COL17A1: variants seen among roughly 807,000 people sequenced by gnomAD.
COL17A1 encodes collagen alpha-1(XVII) chain.
Under a neutral mutation model 218.4 loss-of-function variants are expected in COL17A1, and 181 were observed. That is an observed-to-expected ratio of 0.83 (90% CI 0.73 to 0.94). The LOEUF (loss-of-function observed/expected upper bound fraction) is 0.94, where lower values mean the gene tolerates loss of function less well. Ranked by LOEUF, COL17A1 falls within the 40% of genes least tolerant of loss-of-function variation. COL17A1 has a pLI of 0.00. For synonymous variants in COL17A1, 721 were observed against 731.0 expected (o/e 0.99, Z 0.22); for missense variants, 1,924 against 1,945.9 (o/e 0.99, Z 0.21).
intron 6 of COL17A1, 179 bp downstream of exon 6, chr10:104,074,005 A>G: frequency 1.2e-6 from 1 of 858,838 alleles, no homozygotes; most frequent in Non-Finnish European, 1.9e-6. Flanking sequence ...TGTGGCTGAT[A>G]GTCCCCTTAA....
chr10:104,082,868 C>T (rs2086776808), intron 1 of COL17A1, among the ~76,000 whole-genome samples: 1 of 152,212 alleles, frequency 6.6e-6, no homozygotes, highest in African/African-American at 2.4e-5. Flanking sequence ...AAGGATTCCC[C>T]AACTTCCAGA....
chr10:104,043,941 T>C, intron 33 of COL17A1, 81 bp from the exon 34 acceptor site: 3 of 1,510,634 alleles, frequency 2.0e-6, no homozygotes, highest in Non-Finnish European at 1.8e-6. Context: ...AGGCTTCTGA[T>C]TGCATTTGGG....
intron 17 of COL17A1, 24 bp downstream of exon 17, chr10:104,056,950 CT>C (rs2086534430): frequency 1.3e-6 from 2 of 1,554,998 alleles, no homozygotes; most frequent in Non-Finnish European, 1.7e-6. Context: ...ACCACACAGG[CT>C]GCCCTGCTGC....
rs551032998 is a variant in COL17A1 at position 104,074,676 on chromosome 10, C to T, written c.332-445G>A. 1.1e-4 allele frequency among the ~76,000 whole-genome samples: 17 copies of T among 152,294 alleles called. No homozygotes were observed. In the South Asian group the frequency reaches 3.5e-3, roughly 32 times the overall value. ...GAAGGTACAAATCCCTGGTCAGGCC[C>T]GACCTCAGAAAGCACTGTGATGATG... On this transcript the variant is annotated intron_variant, in intron 5 of 55. Coordinates refer to ENST00000648076, the MANE Select transcript of COL17A1 (RefSeq NM_000494.4).
intron 32 of COL17A1, 95 bp from the exon 33 acceptor site, chr10:104,045,888 A>G: frequency 1.0e-6 from 1 of 990,626 alleles, no homozygotes; most frequent in South Asian, 1.3e-5. Context: ...CAGCACAGCC[A>G]CACTGCTGAC....
At chr10:104,060,325 A>T (rs1222373109) in intron 13 of COL17A1, 45 bp from the exon 14 acceptor site, 1 of 1,610,886 alleles carries the variant, frequency 6.2e-7, no homozygotes, top group Non-Finnish European at 8.5e-7. Flanking sequence ...ATGTGCCAGG[A>T]GAAGGGAGAG....
At chr10:104,074,293 G>A (rs1044491776) in intron 5 of COL17A1, 62 bp from the exon 6 acceptor site, 22 of 1,611,724 alleles carry the variant, frequency 1.4e-5, no homozygotes, top group South Asian at 3.3e-5. Context: ...CTTCCAAAAC[G>A]GGAGGTAGTG....
intron 45 of COL17A1, 98 bp from the exon 46 acceptor site, chr10:104,037,871 C>A (rs1277522214): frequency 1.4e-6 from 2 of 1,470,728 alleles, no homozygotes; most frequent in African/African-American, 2.8e-5. Flanking sequence ...GCCTGCCCCG[C>A]CCCACACATG....
intron 9 of COL17A1, among the ~76,000 whole-genome samples, chr10:104,067,475 A>C (rs565712368): frequency 2.0e-5 from 3 of 152,336 alleles, no homozygotes; most frequent in African/African-American, 4.8e-5. Flanking sequence ...TGGAATAAAA[A>C]GCCAATTAAG....
Position 104,032,173 on chromosome 10 carries a change from T to C in COL17A1, c.*62A>G. 1.5e-6 allele frequency: 2 copies of C among 1,379,166 alleles called. No individual in the cohort carries two copies. Among genetic ancestry groups the C allele is most frequent in the Non-Finnish European group, 2.1e-6 (2 of 966,932 alleles). The allele number at this position is 1,379,166 out of a possible 1,614,324, so 85.4% of individuals were successfully genotyped here. ...CTCCAGCTTTCACCCTCTGGAGACC[T>C]TGGACCTAAGTGCCACATGCATTAT... On this transcript the variant is annotated 3_prime_UTR_variant, in exon 56 of 56. Coordinates refer to ENST00000648076, the MANE Select transcript of COL17A1 (RefSeq NM_000494.4).
chr10:104,033,958 T>C lies in COL17A1; in HGVS notation c.4143A>G (p.Ser1381=). ...GTCCCCACTTACGCTGCATGCTCTC[T>C]GACACCCTCACAGCCAGCTCATTGT... is the stretch of plus-strand genomic sequence containing the variant. ...LDYNELAVRV[S]ESMQRQGLLQ... is the part of the protein sequence containing the mutation. The change falls in exon 52 of 56, where the codon TCA becomes TCG. Residue 1381 remains serine, a synonymous_variant. Transcript: ENST00000648076. 6.2e-7 allele frequency: 1 copy of C among 1,614,176 alleles called. No homozygotes were observed. The highest frequency in any genetic ancestry group is 8.5e-7 in the Non-Finnish European group (1 of 1,180,024).
At chr10:104,044,659 G>T (rs1392856961) in intron 33 of COL17A1, among the ~76,000 whole-genome samples, 1 of 152,182 alleles carries the variant, frequency 6.6e-6, no homozygotes, top group African/African-American at 2.4e-5. Context: ...GACGGGAGAA[G>T]CACTTGAGTT....
chr10:104,076,605 T>C (rs1263257078), intron 4 of COL17A1, among the ~76,000 whole-genome samples, 176 bp from the exon 5 acceptor site: 2 of 152,198 alleles, frequency 1.3e-5, no homozygotes, highest in African/African-American at 4.8e-5. Flanking sequence ...GGTGGAATTA[T>C]TGCCTGGGAA....
chr10:104,067,892 G>A (rs1471374063), intron 9 of COL17A1, among the ~76,000 whole-genome samples: 1 of 152,000 alleles, frequency 6.6e-6, no homozygotes, highest in African/African-American at 2.4e-5. Flanking sequence ...GACGGGAAAA[G>A]ACAGAGATCA....
chr10:104,042,406 A>T lies in COL17A1; in HGVS notation c.2551+14T>A. 1 of 1,614,152 alleles carries T rather than the reference A, an allele frequency of 6.2e-7. No homozygotes were observed. Among genetic ancestry groups the T allele is most frequent in the South Asian group, 1.1e-5 (1 of 91,080 alleles). On this transcript the variant is annotated intron_variant, in intron 36 of 55. Coordinates refer to ENST00000648076, the MANE Select transcript of COL17A1 (RefSeq NM_000494.4). ...TGGGCCCATCGCTTTGCATTCTTGC[A>T]GGGTGTGACATACCTTGATGTCCTG...
chr10:104,063,869 G>C, intron 10 of COL17A1, 51 bp from the exon 11 acceptor site: 1 of 1,611,334 alleles, frequency 6.2e-7, no homozygotes, highest in Non-Finnish European at 8.5e-7. Flanking sequence ...GCCCAGATAG[G>C]GATAGAGATT....
chr10:104,046,600 C>T, intron 32 of COL17A1, 147 bp downstream of exon 32: 2 of 746,382 alleles, frequency 2.7e-6, no homozygotes, highest in Middle Eastern at 2.3e-4. Flanking sequence ...TCCTAAGGTG[C>T]TTCTCACGAC....
chr10:104,056,124 A>G, intron 17 of COL17A1, 121 bp from the exon 18 acceptor site: 1 of 1,180,446 alleles, frequency 8.5e-7, no homozygotes, highest in Non-Finnish European at 1.3e-6. Flanking sequence ...TTCATGCTAG[A>G]ATACTCATGC....
In COL17A1 at chr10:104,040,978, G is replaced by A. The variant is rs188012321; in HGVS notation, c.2701+87C>T. 9.9e-6 allele frequency: 14 copies of A among 1,418,308 alleles called. No homozygotes were observed. In the East Asian group the frequency reaches 3.0e-4, roughly 30 times the overall value. 87.9% of individuals were successfully genotyped at this position (1,418,308 alleles called of 1,614,324 possible). On this transcript the variant is annotated intron_variant, in intron 39 of 55. Coordinates refer to ENST00000648076, the MANE Select transcript of COL17A1 (RefSeq NM_000494.4). ...TCAGGAGCAGGAAGCCTGGTGAGTAGGTTGTGACCACAAGGCTACGGCCAC... is the reference window on the plus strand; with the variant it reads ...TCAGGAGCAGGAAGCCTGGTGAGTAAGTTGTGACCACAAGGCTACGGCCAC...
Sources: allele counts gnomAD v4.1 joint callset (sites outside exome capture counted in the v4.1 genomes callset), GRCh38; gene constraint gnomAD v4.1.1; transcripts MANE v1.5; gene names NCBI Gene and HGNC (gene_info 2026-07-23, HGNC 2026-07-21).